DLGAP2: variants seen among roughly 807,000 people sequenced by gnomAD.
DLGAP2 encodes the protein disks large-associated protein 2.
Under a neutral mutation model 100.3 loss-of-function variants are expected in DLGAP2, and 26 were observed. That is an observed-to-expected ratio of 0.26 (90% CI 0.19 to 0.36). DLGAP2 has a LOEUF of 0.36. DLGAP2 is among the 10% of genes least tolerant of loss of function. The probability of loss-of-function intolerance (pLI) is 1.00; values close to 1 mark genes in which losing one functional copy is unlikely to be tolerated. For missense variants in DLGAP2, 1,858 were observed against 1,453.2 expected (o/e 1.28, Z -4.53); for synonymous variants, 886 against 630.1 (o/e 1.41, Z -6.08).
At chr8:1,054,241 T>C (rs1802809001) in intron 2 of DLGAP2, among the ~76,000 whole-genome samples, 1 of 151,650 alleles carries the variant, frequency 6.6e-6, no homozygotes, top group Admixed American at 6.6e-5. Context: ...TATGCACATG[T>C]ACACACACGT....
At chr8:1,297,193 A>G (rs1800200932) in intron 3 of DLGAP2, 1 of 152,250 alleles carries the variant, frequency 6.6e-6, no homozygotes, top group African/African-American at 2.4e-5. Flanking sequence ...GATGAGAATG[A>G]CATGGACCTC....
intron 2 of DLGAP2, among the ~76,000 whole-genome samples, chr8:962,152 A>G (rs963790622): frequency 6.6e-6 from 1 of 152,214 alleles, no homozygotes; most frequent in East Asian, 1.9e-4. Context: ...TCATTTTCTT[A>G]TAATTTGCAT....
intron 3 of DLGAP2, among the ~76,000 whole-genome samples, chr8:1,327,580 C>T (rs575104498): frequency 4.6e-5 from 7 of 152,302 alleles, no homozygotes; most frequent in Middle Eastern, 3.4e-3. Context: ...CATGGTGGCT[C>T]ATGCCTGTAA....
chr8:1,262,229 G>A (rs1449542853), intron 3 of DLGAP2, among the ~76,000 whole-genome samples: 1 of 152,176 alleles, frequency 6.6e-6, no homozygotes, highest in African/African-American at 2.4e-5. Flanking sequence ...CTCTACGATG[G>A]TGTGGCCTGT....
intron 10 of DLGAP2, among the ~76,000 whole-genome samples, chr8:1,672,299 C>T (rs1798710284): frequency 6.7e-6 from 1 of 149,672 alleles, no homozygotes; most frequent in African/African-American, 2.5e-5. Flanking sequence ...GATCTCAGGT[C>T]ACTGCAGCCT....
intron 2 of DLGAP2, among the ~76,000 whole-genome samples, chr8:1,202,982 C>T (rs892443092): frequency 1.2e-4 from 18 of 152,312 alleles, no homozygotes; most frequent in African/African-American, 4.3e-4. Context: ...TCCGTGTACT[C>T]CGGTGATTGC....
At chr8:1,532,285 T>C (rs1324418503) in intron 4 of DLGAP2, among the ~76,000 whole-genome samples, 1 of 152,220 alleles carries the variant, frequency 6.6e-6, no homozygotes, top group East Asian at 1.9e-4. Flanking sequence ...CTCCTTCCCA[T>C]GCCACTGCCA....
chr8:1,028,583 C>T (rs1249518709), intron 2 of DLGAP2, among the ~76,000 whole-genome samples: 1 of 152,168 alleles, frequency 6.6e-6, no homozygotes, highest in East Asian at 1.9e-4. Flanking sequence ...ATGTGCCAGG[C>T]GTGGCTGCCC....
chr8:931,187 T>C (rs1584899911), intron 2 of DLGAP2, among the ~76,000 whole-genome samples: 2 of 152,304 alleles, frequency 1.3e-5, no homozygotes, highest in African/African-American at 4.8e-5. Context: ...ATCTTGCTCC[T>C]GGATCTTGGT....
intron 2 of DLGAP2, among the ~76,000 whole-genome samples, chr8:1,187,717 C>A: frequency 6.9e-6 from 1 of 144,586 alleles, no homozygotes; most frequent in South Asian, 2.3e-4. Flanking sequence ...GTTTCCCTCA[C>A]GGAATCTCAC....
At chr8:1,693,042 TAAAC>T (rs1799293692) in intron 13 of DLGAP2, among the ~76,000 whole-genome samples, 1 of 148,186 alleles carries the variant, frequency 6.7e-6, no homozygotes, top group African/African-American at 2.5e-5. Flanking sequence ...CACCTATATA[TAAAC>T]ATATATAGGT....
intron 2 of DLGAP2, among the ~76,000 whole-genome samples, chr8:1,241,397 C>T (rs73529846): frequency 3.9e-5 from 6 of 152,346 alleles, no homozygotes; most frequent in African/African-American, 1.4e-4. Flanking sequence ...TTCTCTGTCA[C>T]ATGGCCCTGT....
At chr8:817,225 A>G (rs750325300) in intron 1 of DLGAP2, among the ~76,000 whole-genome samples, 14 of 151,970 alleles carry the variant, frequency 9.2e-5, no homozygotes, top group Non-Finnish European at 1.9e-4. Context: ...TAAGCTCTCA[A>G]GTTCTTTCTT....
chr8:1,283,743 TA>T (rs1192956300), intron 3 of DLGAP2, among the ~76,000 whole-genome samples: 1 of 152,226 alleles, frequency 6.6e-6, no homozygotes, highest in Non-Finnish European at 1.5e-5. Context: ...ATACAATCCA[TA>T]AAAATAAGTA....
At chr8:1,184,067 G>A (rs1016824733) in intron 2 of DLGAP2, among the ~76,000 whole-genome samples, 1 of 152,218 alleles carries the variant, frequency 6.6e-6, no homozygotes, top group African/African-American at 2.4e-5. Context: ...AGGCTTTGGG[G>A]AAGCAGTGTG....
intron 1 of DLGAP2, among the ~76,000 whole-genome samples, chr8:793,680 T>G (rs908610958): frequency 6.6e-6 from 1 of 152,258 alleles, no homozygotes; most frequent in African/African-American, 2.4e-5. Flanking sequence ...TTTGTGCAAT[T>G]TCCTTATAGA....
intron 13 of DLGAP2, 73 bp downstream of exon 13, chr8:1,691,699 T>C (rs1799265329): frequency 1.6e-6 from 2 of 1,287,836 alleles, no homozygotes; most frequent in Admixed American, 2.0e-5. Flanking sequence ...ATTCTCATTG[T>C]TTTCTTCCTT....
rs572771194 is a variant in DLGAP2 at position 1,695,323 on chromosome 8, C to A, written c.2797-1824C>A. ...CATGCCCGGCCCTACAGAAAGGGGG[C>A]ACAGCCATGCCCGGCCCTACAGAAA... On this transcript the variant is annotated intron_variant, in intron 13 of 14. Coordinates refer to ENST00000637795, the MANE Select transcript of DLGAP2 (RefSeq NM_001346810.2). Among the ~76,000 whole-genome samples, 94 of 126,566 alleles carry A rather than the reference C, an allele frequency of 7.4e-4. 1 individual carries two copies. The highest frequency in any genetic ancestry group is 3.0e-3 in the African/African-American group (90 of 29,556). 83.0% of individuals were successfully genotyped at this position (126,566 alleles called of 152,430 possible).
intron 3 of DLGAP2, among the ~76,000 whole-genome samples, chr8:1,500,090 A>C (rs12543850): frequency 0.018 from 2,737 of 152,332 alleles, 74 homozygotes; most frequent in East Asian, 0.12. Flanking sequence ...ATGCAATCAT[A>C]TTTATATTTG....
Sources: gnomAD v4.1 joint callset for allele counts (sites outside exome capture counted in the v4.1 genomes callset) on GRCh38, gnomAD v4.1.1 for gene constraint, MANE v1.5 for transcripts, NCBI Gene and HGNC (gene_info 2026-07-23, HGNC 2026-07-21) for gene names.